RALA: variants seen among roughly 807,000 people sequenced by gnomAD.
RALA encodes the protein ras-related protein Ral-A.
In RALA, 5 loss-of-function variants were observed where a neutral mutation model predicts 24.0. The ratio of observed to expected loss-of-function variants is 0.21; its 90% CI spans 0.11 to 0.44. The LOEUF (loss-of-function observed/expected upper bound fraction) is 0.44. Among genes scored for constraint, RALA ranks in the 20% least tolerant of loss-of-function variants. RALA has a pLI of 0.99. For synonymous variants in RALA, 77 were observed against 83.8 expected (o/e 0.92, Z 0.44); for missense variants, 95 against 241.2 (o/e 0.39, Z 4.01).
chr7:39,675,755 A>C (rs79562963), intron 1 of RALA, among the ~76,000 whole-genome samples: 3,499 of 151,770 alleles, frequency 0.023, 77 homozygotes, highest in East Asian at 0.14. Flanking sequence ...AAAAAAAAAA[A>C]AAAAAACTGT....
chr7:39,681,302 CTTTTTTTTTTT>C (rs70996832), intron 1 of RALA, among the ~76,000 whole-genome samples: 29 of 50,046 alleles, frequency 5.8e-4, no homozygotes, highest in African/African-American at 7.9e-4. Context: ...CACCCTATTC[CTTTTTTTTTTT>C]TTTTTTTTTT....
intron 3 of RALA, 55 bp downstream of exon 3, chr7:39,690,645 C>T: frequency 7.2e-7 from 1 of 1,384,192 alleles, no homozygotes; most frequent in South Asian, 1.4e-5. Context: ...AATTTCTTCC[C>T]CAGAAACAAG....
At chr7:39,686,331 C>T (rs1280739271) in intron 1 of RALA, among the ~76,000 whole-genome samples, 1 of 152,080 alleles carries the variant, frequency 6.6e-6, no homozygotes, top group Non-Finnish European at 1.5e-5. Flanking sequence ...CAGCTGATAC[C>T]CCATTATTGT....
Position 39,683,840 on chromosome 7 carries a change from A to AACACAC in RALA, c.-37-2763_-37-2758dup, listed in dbSNP as rs71964842. 2.5e-3 allele frequency among the ~76,000 whole-genome samples: 373 copies of AACACAC among 148,046 alleles called. 1 individual carries two copies. The highest frequency in any genetic ancestry group is 0.011 in the East Asian group (58 of 5,052). Reference sequence around the variant, plus strand: ...AGTGACTGCTAAGTGTTTTCTTTTGAACACACACACACACACACACACACA... The same window carrying AACACAC: ...AGTGACTGCTAAGTGTTTTCTTTTGAACACACACACACACACACACACACACACACA... On this transcript the variant is annotated intron_variant, in intron 1 of 4. Coordinates refer to ENST00000005257, the MANE Select transcript of RALA (RefSeq NM_005402.4).
rs1357465252 is a variant in RALA at position 39,636,360 on chromosome 7, A to G, written c.-38+12535A>G. Reference sequence around the variant, plus strand: ...GAGTTCCCAGTTTTTCCGCAACTTCACTAACAGTTGTTATTGTCTTATCTT... The same window carrying G: ...GAGTTCCCAGTTTTTCCGCAACTTCGCTAACAGTTGTTATTGTCTTATCTT... On this transcript the variant is annotated intron_variant, in intron 1 of 4. Transcript: ENST00000005257. Among the ~76,000 whole-genome samples, 3 of 152,324 alleles carry G rather than the reference A, an allele frequency of 2.0e-5. No individual in the cohort carries two copies. The East Asian group carries it at 5.8e-4, about 29-fold the overall frequency.
intron 1 of RALA, among the ~76,000 whole-genome samples, chr7:39,626,602 C>G (rs1791492372): frequency 6.6e-6 from 1 of 152,198 alleles, no homozygotes; most frequent in South Asian, 2.1e-4. Flanking sequence ...CCTACAAATA[C>G]AGTGTTATCA....
intron 4 of RALA, chr7:39,700,271 T>C (rs191339743): frequency 6.6e-6 from 1 of 152,370 alleles, no homozygotes; most frequent in East Asian, 1.9e-4. Context: ...ACAGTGGAAA[T>C]GGCTTGGCTC....
intron 4 of RALA, among the ~76,000 whole-genome samples, chr7:39,705,611 T>G (rs1384328031): frequency 6.6e-6 from 1 of 152,146 alleles, no homozygotes; most frequent in Non-Finnish European, 1.5e-5. Flanking sequence ...CAGACAAAGT[T>G]GTTTCATAGT....
At chr7:39,686,920 C>G (rs960789932) in intron 2 of RALA, 139 bp downstream of exon 2, 1 of 605,266 alleles carries the variant, frequency 1.7e-6, no homozygotes, top group South Asian at 2.7e-5. Flanking sequence ...GTGTTTAGAG[C>G]CATCTGTACA....
intron 1 of RALA, among the ~76,000 whole-genome samples, chr7:39,631,816 C>A (rs1361944509): frequency 6.6e-6 from 1 of 152,170 alleles, no homozygotes; most frequent in Non-Finnish European, 1.5e-5. Flanking sequence ...ATGTTAGCCT[C>A]TTTTGCATTG....
intron 2 of RALA, among the ~76,000 whole-genome samples, chr7:39,689,300 C>T (rs1792773154): frequency 6.6e-6 from 1 of 152,180 alleles, no homozygotes; most frequent in South Asian, 2.1e-4. Context: ...GCCCACATGC[C>T]TAACTTGTAA....
intron 4 of RALA, chr7:39,700,352 C>G (rs550911852): frequency 2.6e-5 from 4 of 152,320 alleles, no homozygotes; most frequent in Non-Finnish European, 4.4e-5. Context: ...AACTTAGGTT[C>G]TGAAGGCTTG....
intron 4 of RALA, among the ~76,000 whole-genome samples, chr7:39,697,948 A>AGTGG (rs1792950753): frequency 6.7e-6 from 1 of 148,790 alleles, no homozygotes; most frequent in Non-Finnish European, 1.5e-5. Context: ...GACTAGGGCA[A>AGTGG]GTGTGTGTGT....
chr7:39,627,216 T>C lies in RALA; in HGVS notation c.-38+3391T>C, dbSNP rs1428078342. 2.6e-5 allele frequency among the ~76,000 whole-genome samples: 4 copies of C among 152,132 alleles called. No individual in the cohort carries two copies. The East Asian group carries it at 7.7e-4, about 29-fold the overall frequency. On this transcript the variant is annotated intron_variant, in intron 1 of 4. Transcript: ENST00000005257. Reference sequence around the variant, plus strand: ...ATTCATAAGGATTTGGGTTGCCGTATAGAAAAAAAGAAATTAAAGTTCTAT... The same window carrying C: ...ATTCATAAGGATTTGGGTTGCCGTACAGAAAAAAAGAAATTAAAGTTCTAT...
chr7:39,685,461 G>T (rs761705582), intron 1 of RALA, among the ~76,000 whole-genome samples: 5 of 152,152 alleles, frequency 3.3e-5, no homozygotes, highest in Admixed American at 2.0e-4. Context: ...AGGACAAGGG[G>T]TGCAACCCCC....
intron 1 of RALA, among the ~76,000 whole-genome samples, chr7:39,666,278 T>C (rs1792285944): frequency 6.6e-6 from 1 of 152,208 alleles, no homozygotes; most frequent in African/African-American, 2.4e-5. Context: ...CTCTAAGTTA[T>C]ATATAATGAA....
chr7:39,673,496 CTTAG>C (rs1270641232), intron 1 of RALA, among the ~76,000 whole-genome samples: 1 of 151,878 alleles, frequency 6.6e-6, no homozygotes, highest in Non-Finnish European at 1.5e-5. Flanking sequence ...TAATTTTATT[CTTAG>C]TTATATACTC....
chr7:39,645,338 G>T (rs984792157), intron 1 of RALA, among the ~76,000 whole-genome samples: 3 of 152,242 alleles, frequency 2.0e-5, no homozygotes, highest in South Asian at 4.1e-4. Context: ...GGTTCAGAAA[G>T]AACATTTCGT....
chr7:39,672,223 TAAAAGAC>T (rs1361602200), intron 1 of RALA, among the ~76,000 whole-genome samples: 1 of 152,128 alleles, frequency 6.6e-6, no homozygotes, highest in Non-Finnish European at 1.5e-5. Context: ...AAAACTCACT[TAAAAGAC>T]AAAACAAAAG....
Sources: allele counts gnomAD v4.1 joint callset (sites outside exome capture counted in the v4.1 genomes callset), GRCh38; gene constraint gnomAD v4.1.1; transcripts MANE v1.5; gene names NCBI Gene and HGNC (gene_info 2026-07-23, HGNC 2026-07-21).